The following AGMO variants were observed in gnomAD, a reference collection of about 807,000 sequenced individuals.
The protein encoded by AGMO is glyceryl-ether monooxygenase.
In AGMO, 75 loss-of-function variants were observed where a neutral mutation model predicts 60.2. The ratio of observed to expected loss-of-function variants is 1.25; its 90% CI spans 1.03 to 1.51. The LOEUF (loss-of-function observed/expected upper bound fraction) is 1.51, where lower values mean the gene tolerates loss of function less well. AGMO is among the 40% of genes most tolerant of loss of function. The pLI, the probability that AGMO is intolerant of heterozygous loss-of-function variation, is 0.00. For synonymous variants in AGMO, 261 were observed against 177.1 expected, an observed-to-expected ratio of 1.47 and a Z score of -3.76; for missense variants, 763 against 525.5, an observed-to-expected ratio of 1.45 and a Z score of -4.42.
intron 12 of AGMO, among the ~76,000 whole-genome samples, chr7:15,261,102 T>G (rs955889198): frequency 1.3e-5 from 2 of 151,820 alleles, no homozygotes; most frequent in African/African-American, 4.8e-5. Flanking sequence ...TCACACCTTA[T>G]AAAACGGGAG....
chr7:15,195,805 C>G (rs1215906236), downstream of AGMO, among the ~76,000 whole-genome samples: 3 of 152,224 alleles, frequency 2.0e-5, no homozygotes, highest in Admixed American at 6.5e-5. Flanking sequence ...ATAATCTGCC[C>G]AAATAATGCC....
intron 3 of AGMO, among the ~76,000 whole-genome samples, chr7:15,479,526 C>A (rs1782693532): frequency 6.6e-6 from 1 of 152,128 alleles, no homozygotes; most frequent in Non-Finnish European, 1.5e-5. Context: ...GTAAATATTT[C>A]CACAGTATGT....
Position 15,366,197 on chromosome 7 carries a change from A to C in AGMO, c.1100T>G (p.Leu367Arg). The C allele has an allele frequency of 6.2e-7, 1 of 1,608,044 alleles. No homozygotes were observed. The change falls in exon 11 of 13, where the codon CTG becomes CGG. Residue 367 changes from leucine (L) to arginine (R), a missense_variant. By Grantham distance (102) the Leu-to-Arg change is moderately radical. Coordinates refer to ENST00000342526, the MANE Select transcript of AGMO (RefSeq NM_001004320.2). ...TAALSQVTLL[L>R]RVCFIILTLT... Reference sequence around the variant, plus strand: ...GGTCAGGATAATGAAGCAAACCCTCAGAAGGAGAGTAACTTGCGACAGTGC... The same window carrying C: ...GGTCAGGATAATGAAGCAAACCCTCCGAAGGAGAGTAACTTGCGACAGTGC...
intron 12 of AGMO, among the ~76,000 whole-genome samples, chr7:15,235,822 T>C (rs1782401735): frequency 1.3e-5 from 2 of 152,140 alleles, no homozygotes; most frequent in Non-Finnish European, 2.9e-5. Context: ...AACATTACTT[T>C]TATGGAACAA....
chr7:15,246,285 A>G (rs1468453214), intron 12 of AGMO, among the ~76,000 whole-genome samples: 1 of 151,992 alleles, frequency 6.6e-6, no homozygotes, highest in African/African-American at 2.4e-5. Flanking sequence ...TACTCAAAAG[A>G]CATTTGTTTA....
intron 3 of AGMO, among the ~76,000 whole-genome samples, chr7:15,532,256 T>C (rs1307760812): frequency 1.3e-5 from 2 of 152,180 alleles, no homozygotes; most frequent in Non-Finnish European, 2.9e-5. Context: ...AGGATTGGTG[T>C]TGATATTAGT....
At chr7:15,157,286 G>C in the AGMO span, among the ~76,000 whole-genome samples, 1 of 152,112 alleles carries the variant, frequency 6.6e-6, no homozygotes, top group African/African-American at 2.4e-5. Flanking sequence ...TACCTTCCCA[G>C]ATCACACAAC....
chr7:15,388,150 G>C (rs1345890293), intron 8 of AGMO, among the ~76,000 whole-genome samples: 1 of 152,090 alleles, frequency 6.6e-6, no homozygotes, highest in East Asian at 1.9e-4. Flanking sequence ...TTTTCAATGA[G>C]TTGAACCATT....
At chr7:15,414,792 G>A (rs918515331) in intron 5 of AGMO, among the ~76,000 whole-genome samples, 14 of 152,124 alleles carry the variant, frequency 9.2e-5, no homozygotes, top group South Asian at 2.1e-4. Context: ...TGACATAAAG[G>A]GAAACAAATA....
chr7:15,163,825 G>A, the AGMO span, among the ~76,000 whole-genome samples: 106 of 151,954 alleles, frequency 7.0e-4, no homozygotes, highest in African/African-American at 2.5e-3. Context: ...ATATCAGGAT[G>A]ATATTGCTTT....
At chr7:15,161,805 C>G in the AGMO span, among the ~76,000 whole-genome samples, 7 of 151,918 alleles carry the variant, frequency 4.6e-5, no homozygotes, top group African/African-American at 1.5e-4. Flanking sequence ...AATACATATA[C>G]CATTTGTCTG....
intron 12 of AGMO, among the ~76,000 whole-genome samples, chr7:15,259,531 A>G (rs1267043276): frequency 6.6e-6 from 1 of 152,156 alleles, no homozygotes; most frequent in Admixed American, 6.5e-5. Context: ...AGAGATCTAG[A>G]CATCCAAATA....
At chr7:15,121,482 T>G in the AGMO span, among the ~76,000 whole-genome samples, 3 of 152,202 alleles carry the variant, frequency 2.0e-5, no homozygotes, top group Non-Finnish European at 4.4e-5. Context: ...CTCTAGCATC[T>G]GTTGTTTCCA....
At chr7:15,524,319 T>G (rs1784070335) in intron 3 of AGMO, among the ~76,000 whole-genome samples, 2 of 152,090 alleles carry the variant, frequency 1.3e-5, no homozygotes, top group African/African-American at 4.8e-5. Context: ...GAATAATAGA[T>G]TTTTTAAAAT....
At chr7:15,140,049 T>C in the AGMO span, among the ~76,000 whole-genome samples, 1 of 150,788 alleles carries the variant, frequency 6.6e-6, no homozygotes, top group Admixed American at 6.6e-5. Context: ...AAAATAAAGT[T>C]ATAAATTATA....
chr7:15,367,576 A>T (rs1409300837), intron 10 of AGMO, among the ~76,000 whole-genome samples: 1 of 152,148 alleles, frequency 6.6e-6, no homozygotes, highest in Non-Finnish European at 1.5e-5. Context: ...ACAAAGCATG[A>T]TGACAGTAGA....
intron 12 of AGMO, among the ~76,000 whole-genome samples, chr7:15,319,126 T>C (rs1426485279): frequency 2.0e-5 from 3 of 152,158 alleles, no homozygotes; most frequent in Admixed American, 2.0e-4. Context: ...AAGAAGTTGA[T>C]TGTTAATGCC....
intron 4 of AGMO, among the ~76,000 whole-genome samples, chr7:15,430,703 T>A (rs1005584209): frequency 2.0e-5 from 3 of 151,282 alleles, no homozygotes; most frequent in African/African-American, 7.3e-5. Flanking sequence ...AGATACCTTA[T>A]CTATACATCA....
At chr7:15,354,405 T>TACACACGTGTGTGTATAC (rs142845577) in intron 12 of AGMO, among the ~76,000 whole-genome samples, 1 of 35,122 alleles carries the variant, frequency 2.8e-5, no homozygotes, top group Non-Finnish European at 4.5e-5. Flanking sequence ...CACGTGTGTG[T>TACACACGTGTGTGTATAC]ACACACGTGT....
Sources: allele counts gnomAD v4.1 joint callset (sites outside exome capture counted in the v4.1 genomes callset), GRCh38; gene constraint gnomAD v4.1.1; transcripts MANE v1.5; gene names NCBI Gene and HGNC (gene_info 2026-07-23, HGNC 2026-07-21).